The following TMEM65 variants were observed in gnomAD, a reference collection of about 807,000 sequenced individuals.
TMEM65 encodes transmembrane protein 65.
TMEM65 carries 22 observed loss-of-function variants against 25.4 expected under a neutral mutation model. The observed-to-expected ratio is 0.86, with a 90% CI of 0.62 to 1.23. The LOEUF is 1.23. TMEM65 is among the 50% of genes most tolerant of loss of function. The pLI is 0.00. For synonymous variants in TMEM65, 132 were observed against 126.2 expected (o/e 1.05, Z -0.31); for missense variants, 262 against 308.2 (o/e 0.85, Z 1.12).
intron 1 of TMEM65, among the ~76,000 whole-genome samples, chr8:124,364,643 A>C (rs888352435): frequency 6.6e-6 from 1 of 152,216 alleles, no homozygotes; most frequent in Admixed American, 6.5e-5. Flanking sequence ...CAATCAAAGT[A>C]AATGTCTCAG....
At chr8:124,359,857 A>G (rs987240880) in intron 1 of TMEM65, among the ~76,000 whole-genome samples, 2 of 152,248 alleles carry the variant, frequency 1.3e-5, no homozygotes, top group African/African-American at 4.8e-5. Flanking sequence ...ACTAAAGGCT[A>G]AAAGAAAGCT....
intron 5 of TMEM65, 152 bp downstream of exon 5, chr8:124,321,953 C>T: frequency 1.6e-6 from 1 of 630,830 alleles, no homozygotes; most frequent in Admixed American, 2.9e-5. Flanking sequence ...AGATTTAGTA[C>T]TATTAGTTTA....
chr8:124,327,369 T>C lies in TMEM65; in HGVS notation c.402A>G (p.Ala134=), dbSNP rs781057132. The change falls in exon 3 of 7, where the codon GCA becomes GCG. Residue 134 remains alanine (A), a synonymous_variant. Coordinates refer to ENST00000297632, the MANE Select transcript of TMEM65 (RefSeq NM_194291.3). ...PFIGFGFLDN[A]IMIVAGTHIE... is the part of the protein sequence containing the mutation. ...AAGAACTTACAGCAACAATCATAAT[T>C]GCATTATCCAAAAAGCCAAACCCTA... The C allele has an allele frequency of 1.9e-6, 3 of 1,603,738 alleles. No homozygotes were observed.
intron 1 of TMEM65, among the ~76,000 whole-genome samples, chr8:124,358,779 A>G (rs1814818785): frequency 6.6e-6 from 1 of 152,176 alleles, no homozygotes; most frequent in Admixed American, 6.5e-5. Flanking sequence ...AGTGCGATCC[A>G]AAGTCGAGCT....
rs1444372777 is a variant in TMEM65, at chr8:124,312,626, A to C, written c.*1334T>G. 2.0e-5 allele frequency: 3 copies of C among 151,998 alleles called. No homozygotes were observed. The highest frequency in any genetic ancestry group is 4.4e-5 in the Non-Finnish European group (3 of 67,872). 9.4% of individuals were successfully genotyped at this position (151,998 alleles called of 1,614,324 possible). On this transcript the variant is annotated 3_prime_UTR_variant, in exon 7 of 7. Coordinates refer to ENST00000297632, the MANE Select transcript of TMEM65 (RefSeq NM_194291.3). The stretch of plus-strand genomic sequence containing the variant: ...AGACTAATTTTTTAGCATGTGTAAC[A>C]GACCACATGCTAAAAAAGTTTAAGG...
chr8:124,330,998 T>G (rs111301239), intron 1 of TMEM65, among the ~76,000 whole-genome samples: 46 of 152,106 alleles, frequency 3.0e-4, no homozygotes, highest in African/African-American at 9.6e-4. Flanking sequence ...CAAATGAAAC[T>G]GAGCTTAGTT....
rs139397799 is a variant in TMEM65 at position 124,313,969 on chromosome 8, C to T, written c.714G>A (p.Thr238=). The change falls in exon 7 of 7, where the codon ACG becomes ACA. Residue 238 remains threonine (T), a synonymous_variant. Transcript: ENST00000297632. ...GGGEEDEKLE[T]KS The stretch of plus-strand genomic sequence containing the variant: ...AGGTATTCTAAGAGGATTAACTTTT[C>T]GTTTCCAGTTTTTCATCTTCTTCAC... The T allele has an allele frequency of 1.8e-4, 282 of 1,611,184 alleles. 2 individuals carry two copies. The East Asian group carries it at 4.1e-3, about 23-fold the overall frequency.
Position 124,350,479 on chromosome 8 carries a change from A to T in TMEM65, c.305-19687T>A, listed in dbSNP as rs77634524. On this transcript the variant is annotated intron_variant, in intron 1 of 6. Transcript: ENST00000297632. ...CTCTCTTTCCCTCTCTCTCTCTCTC[A>T]CACACACACACACACACACACACAC... 0.018 allele frequency among the ~76,000 whole-genome samples: 212 copies of T among 12,036 alleles called. 1 individual carries two copies. The East Asian group carries it at 0.34, about 19-fold the overall frequency. 7.9% of individuals were successfully genotyped at this position (12,036 alleles called of 152,430 possible).
chr8:124,372,285 G>C lies in TMEM65; in HGVS notation c.-128C>G, dbSNP rs1283609975. On this transcript the variant is annotated 5_prime_UTR_variant, in exon 1 of 7. Coordinates refer to ENST00000297632, the MANE Select transcript of TMEM65 (RefSeq NM_194291.3). Reference sequence around the variant, plus strand: ...CCTCCTGCCAGGCAGCCGAGGCGCCGGGCACCATGCACTCCGCGGGCCCGC... The same window carrying C: ...CCTCCTGCCAGGCAGCCGAGGCGCCCGGCACCATGCACTCCGCGGGCCCGC... 1 of 915,972 alleles carries C rather than the reference G, an allele frequency of 1.1e-6. No individual in the cohort carries two copies. The highest frequency in any genetic ancestry group is 1.8e-5 in the African/African-American group (1 of 54,772). 56.7% of individuals were successfully genotyped at this position (915,972 alleles called of 1,614,324 possible). A position where few individuals can be genotyped will look rare whatever the true frequency, so the allele number is the denominator to read the frequency against.
At chr8:124,330,671 T>A in intron 2 of TMEM65, 77 bp downstream of exon 2, 1 of 1,350,386 alleles carries the variant, frequency 7.4e-7, no homozygotes, top group Admixed American at 2.0e-5. Flanking sequence ...GACTCTTCTG[T>A]GCTATCAATG....
Position 124,310,012 on chromosome 8 carries a change from A to G in TMEM65, c.*3948T>C, listed in dbSNP as rs546575615. ...CCGTTTCTACTAAAAATACAAAAAA[A>G]TTAGGCTCGGTGGCACGTGACTGTA... On this transcript the variant is annotated 3_prime_UTR_variant, in exon 7 of 7. Transcript: ENST00000297632. 3.3e-5 allele frequency: 5 copies of G among 152,242 alleles called. No individual in the cohort carries two copies. The highest frequency in any genetic ancestry group is 1.2e-4 in the African/African-American group (5 of 41,546). The allele number at this position is 152,242 out of a possible 1,614,324, so 9.4% of individuals were successfully genotyped here.
At chr8:124,327,131 T>C (rs1814374087) in intron 3 of TMEM65, among the ~76,000 whole-genome samples, 1 of 151,984 alleles carries the variant, frequency 6.6e-6, no homozygotes, top group East Asian at 1.9e-4. Context: ...CTGAATGCTC[T>C]ACCAAAAGTC....
chr8:124,372,026 G>A lies in TMEM65; in HGVS notation c.132C>T (p.Pro44=), dbSNP rs778670441. 8.7e-6 allele frequency: 11 copies of A among 1,265,866 alleles called. No individual in the cohort carries two copies. In the African/African-American group the frequency reaches 9.4e-5, roughly 11 times the overall value. The allele number at this position is 1,265,866 out of a possible 1,614,324, so 78.4% of individuals were successfully genotyped here. ...GCCTGGGGCCGCCCGGCAAGCCGCC[G>A]GGGGGCGCGAGCGCCAGCAGCCCCC... ...CGRGLLALAP[P]GGLPGGPRRL... The change falls in exon 1 of 7, where the codon CCC becomes CCT. Residue 44 remains proline (P), a synonymous_variant. Coordinates refer to ENST00000297632, the MANE Select transcript of TMEM65 (RefSeq NM_194291.3).
Position 124,310,696 on chromosome 8 carries a change from C to A in TMEM65, c.*3264G>T, listed in dbSNP as rs1413133498. 1.3e-5 allele frequency: 2 copies of A among 152,040 alleles called. No homozygotes were observed. The highest frequency in any genetic ancestry group is 1.3e-4 in the Admixed American group (2 of 15,266). The allele number at this position is 152,040 out of a possible 1,614,324, so 9.4% of individuals were successfully genotyped here. On this transcript the variant is annotated 3_prime_UTR_variant, in exon 7 of 7. Coordinates refer to ENST00000297632, the MANE Select transcript of TMEM65 (RefSeq NM_194291.3). ...TTATTACTACTACTACTATCATCAT[C>A]ATCATCTCAGTCAGGATCCAAAGCC...
chr8:124,329,541 G>C (rs1418098352), intron 2 of TMEM65, among the ~76,000 whole-genome samples: 1 of 151,878 alleles, frequency 6.6e-6, no homozygotes, highest in Non-Finnish European at 1.5e-5. Flanking sequence ...TAAAAACTTG[G>C]TCAGTAAAAC....
chr8:124,372,101 GC>G lies in TMEM65; in HGVS notation c.56del (p.Gly19AlafsTer48). The part of the protein sequence containing the change: ...RSRTARSLRP[G>X]PAAAAAPRPP... ...GGCGGGGCGCGGCGGCGGCGGCCGG[GC>G]CCGGCCTCAGGCTGCGCGCGGTCCG... On this transcript the variant is annotated frameshift_variant, in exon 1 of 7. Coordinates refer to ENST00000297632, the MANE Select transcript of TMEM65 (RefSeq NM_194291.3). LOFTEE classifies it high-confidence loss of function. 9.1e-7 allele frequency: 1 copy of G among 1,103,054 alleles called. No individual in the cohort carries two copies. The highest frequency in any genetic ancestry group is 1.1e-6 in the Non-Finnish European group (1 of 907,146). 68.3% of individuals were successfully genotyped at this position (1,103,054 alleles called of 1,614,324 possible).
At chr8:124,326,563 A>T (rs909478949) in intron 3 of TMEM65, among the ~76,000 whole-genome samples, 1 of 152,086 alleles carries the variant, frequency 6.6e-6, no homozygotes, top group Non-Finnish European at 1.5e-5. Flanking sequence ...TTATTTAAAC[A>T]ATTAATGTAA....
intron 2 of TMEM65, among the ~76,000 whole-genome samples, chr8:124,329,308 T>C (rs764189766): frequency 1.3e-4 from 19 of 151,984 alleles, no homozygotes; most frequent in Non-Finnish European, 2.1e-4. Flanking sequence ...ATTACAAATT[T>C]AACAGGTTAG....
intron 1 of TMEM65, among the ~76,000 whole-genome samples, chr8:124,343,257 T>C (rs376544704): frequency 9.2e-5 from 14 of 152,162 alleles, no homozygotes; most frequent in Non-Finnish European, 1.3e-4. Flanking sequence ...AAAACATAGA[T>C]TGACCCCTTA....
Sources: gnomAD v4.1 joint callset for allele counts (sites outside exome capture counted in the v4.1 genomes callset) on GRCh38, gnomAD v4.1.1 for gene constraint, MANE v1.5 for transcripts, NCBI Gene and HGNC (gene_info 2026-07-23, HGNC 2026-07-21) for gene names.